POGLUT1: variants seen among roughly 807,000 people sequenced by gnomAD.
POGLUT1 encodes protein O-glucosyltransferase 1.
POGLUT1 carries 32 observed loss-of-function variants against 61.3 expected under a neutral mutation model. The observed-to-expected ratio is 0.52, with a 90% CI of 0.39 to 0.70. POGLUT1 has a LOEUF of 0.70. Ranked by LOEUF, POGLUT1 falls within the 30% of genes least tolerant of loss-of-function variation. The pLI, the probability that POGLUT1 is intolerant of heterozygous loss-of-function variation, is 0.00. For missense variants in POGLUT1, 411 were observed against 469.8 expected (o/e 0.87, Z 1.16); for synonymous variants, 158 against 158.2 (o/e 1.00, Z 0.01).
At chr3:119,491,019 A>G (rs1425789723) in intron 9 of POGLUT1, among the ~76,000 whole-genome samples, 1 of 151,888 alleles carries the variant, frequency 6.6e-6, no homozygotes, top group Non-Finnish European at 1.5e-5. Flanking sequence ...ATCTTATTAT[A>G]TTGTCAAAAG....
At chr3:119,490,393 A>G in intron 8 of POGLUT1, 158 bp from the exon 9 acceptor site, 1 of 666,808 alleles carries the variant, frequency 1.5e-6, no homozygotes. Context: ...GATAGAAACC[A>G]CTTAGGAACA....
rs2081729646 is a variant in POGLUT1 at position 119,490,447 on chromosome 3, A to G, written c.798-104A>G. The G allele has an allele frequency of 4.2e-6, 4 of 959,474 alleles. No homozygotes were observed. The African/African-American group carries it at 6.5e-5, about 16-fold the overall frequency. 59.4% of individuals were successfully genotyped at this position (959,474 alleles called of 1,614,324 possible). A position where few individuals can be genotyped will look rare whatever the true frequency, so the allele number is the denominator to read the frequency against. ...AACTCAAAGTGGAAAGAGAATGGAG[A>G]GGAATCATAAAAGGAAAGAAGGGGA... On this transcript the variant is annotated intron_variant, in intron 8 of 10. Transcript: ENST00000295588.
chr3:119,484,526 G>A (rs560517438), intron 5 of POGLUT1, among the ~76,000 whole-genome samples: 18 of 152,342 alleles, frequency 1.2e-4, no homozygotes, highest in African/African-American at 4.1e-4. Context: ...AGAGCACTTA[G>A]TCTGGCTTTA....
intron 7 of POGLUT1, chr3:119,488,007 T>G (rs1450410763): frequency 6.6e-6 from 1 of 152,172 alleles, no homozygotes; most frequent in Non-Finnish European, 1.5e-5. Flanking sequence ...ATCAAAGAAA[T>G]TAAAGCCCTA....
intron 4 of POGLUT1, chr3:119,478,450 CAGA>C (rs1379480807): frequency 6.6e-6 from 3 of 456,426 alleles, no homozygotes; most frequent in African/African-American, 4.0e-5. Context: ...GAAACTCACT[CAGA>C]AGAACAGATA....
At position 119,469,007 on chromosome 3, in the gene POGLUT1, G is replaced by A. The variant is rs754661232; in HGVS notation, c.-15G>A. ...CCAGCGCCGCAGCGGGGAATCTGCA[G>A]TAGGTCTGCCGGCGATGGAGTGGTG... is the stretch of plus-strand genomic sequence containing the variant. On this transcript the variant is annotated 5_prime_UTR_variant, in exon 1 of 11. Transcript: ENST00000295588. The A allele has an allele frequency of 3.7e-6, 6 of 1,602,868 alleles. No homozygotes were observed. Among genetic ancestry groups the A allele is most frequent in the African/African-American group, 1.3e-5 (1 of 74,648 alleles).
chr3:119,483,486 A>G (rs2081630122), intron 5 of POGLUT1, among the ~76,000 whole-genome samples: 2 of 152,230 alleles, frequency 1.3e-5, no homozygotes, highest in Admixed American at 1.3e-4. Flanking sequence ...TTTGTAAAAT[A>G]GGGGTGATAA....
chr3:119,475,713 T>G (rs1004991150), intron 3 of POGLUT1, among the ~76,000 whole-genome samples: 2 of 151,306 alleles, frequency 1.3e-5, no homozygotes, highest in Non-Finnish European at 2.9e-5. Flanking sequence ...CTCGGGAGGC[T>G]GAGGCAGGAG....
At chr3:119,469,488 G>A (rs1324598455) in intron 1 of POGLUT1, among the ~76,000 whole-genome samples, 1 of 152,244 alleles carries the variant, frequency 6.6e-6, no homozygotes, top group African/African-American at 2.4e-5. Flanking sequence ...GGGGTTTAAT[G>A]TCTGTAGCTT....
At chr3:119,472,684 C>G (rs2081489313) in intron 3 of POGLUT1, among the ~76,000 whole-genome samples, 2 of 151,730 alleles carry the variant, frequency 1.3e-5, no homozygotes, top group South Asian at 4.2e-4. Context: ...CCATTGCACT[C>G]CAGGCTGGGA....
intron 5 of POGLUT1, among the ~76,000 whole-genome samples, chr3:119,483,583 T>C (rs150478282): frequency 2.0e-5 from 3 of 152,378 alleles, no homozygotes; most frequent in Non-Finnish European, 4.4e-5. Context: ...GCTATATAGA[T>C]GTTGGCTGTT....
intron 10 of POGLUT1, 55 bp from the exon 11 acceptor site, chr3:119,492,227 G>T: frequency 7.6e-7 from 1 of 1,315,306 alleles, no homozygotes; most frequent in Non-Finnish European, 1.1e-6. Flanking sequence ...AATGCAGACT[G>T]CTATTATCAT....
rs114649520 is a variant in POGLUT1, at chr3:119,478,286, G to C, written c.456+838G>C. 3.9e-3 allele frequency: 1,749 copies of C among 452,882 alleles called. 28 individuals carry two copies. The highest frequency in any genetic ancestry group is 0.029 in the African/African-American group (1,437 of 49,800). The allele number at this position is 452,882 out of a possible 1,614,324, so 28.1% of individuals were successfully genotyped here. A position where few individuals can be genotyped will look rare whatever the true frequency, so the allele number is the denominator to read the frequency against. Reference sequence around the variant, plus strand: ...TGATTTGGTTTGTCTAAAGCAGAGGGACCTTTTATCCCCACTTTTTCTTTA... The same window carrying C: ...TGATTTGGTTTGTCTAAAGCAGAGGCACCTTTTATCCCCACTTTTTCTTTA... On this transcript the variant is annotated intron_variant, in intron 4 of 10. Coordinates refer to ENST00000295588, the MANE Select transcript of POGLUT1 (RefSeq NM_152305.3).
rs1411656272 is a variant in POGLUT1, at chr3:119,485,404, C to T, written c.638+17C>T. ...AGGATCAAGGTGAGTTATTTTCTGA[C>T]ATTTTACAAAGATATTCTTCCAAGT... On this transcript the variant is annotated intron_variant, in intron 6 of 10. Transcript: ENST00000295588. 1.3e-6 allele frequency: 2 copies of T among 1,563,262 alleles called. No individual in the cohort carries two copies. Among genetic ancestry groups the T allele is most frequent in the African/African-American group, 1.4e-5 (1 of 73,832 alleles).
chr3:119,490,856 G>C lies in POGLUT1; in HGVS notation c.965+138G>C, dbSNP rs1218631693. The C allele has an allele frequency of 1.1e-5, 8 of 710,580 alleles. No homozygotes were observed. The East Asian group carries it at 2.0e-4, about 18-fold the overall frequency. The allele number at this position is 710,580 out of a possible 1,614,324, so 44.0% of individuals were successfully genotyped here. On this transcript the variant is annotated intron_variant, in intron 9 of 10. Coordinates refer to ENST00000295588, the MANE Select transcript of POGLUT1 (RefSeq NM_152305.3). ...TCCATTGAAAGCTTTTTTTCCTCTTGGTTTGCATATATAGTATTGCATTAT... is the reference window on the plus strand; with the variant it reads ...TCCATTGAAAGCTTTTTTTCCTCTTCGTTTGCATATATAGTATTGCATTAT...
rs2081553733 is a variant in POGLUT1, at chr3:119,477,540, A to G, written c.456+92A>G. ...TGTCCGGTGACATAGTCTGATGGAT[A>G]ATGGTAAGGATGAGGACTGAGGTCC... is the stretch of plus-strand genomic sequence containing the variant. On this transcript the variant is annotated intron_variant, in intron 4 of 10. Coordinates refer to ENST00000295588, the MANE Select transcript of POGLUT1 (RefSeq NM_152305.3). 3 of 1,253,252 alleles carry G rather than the reference A, an allele frequency of 2.4e-6. No homozygotes were observed. The African/African-American group carries it at 4.4e-5, about 18-fold the overall frequency. The allele number at this position is 1,253,252 out of a possible 1,614,324, so 77.6% of individuals were successfully genotyped here. A position where few individuals can be genotyped will look rare whatever the true frequency, so the allele number is the denominator to read the frequency against.
chr3:119,490,529 T>C (rs757641132), intron 8 of POGLUT1, 22 bp from the exon 9 acceptor site: 7 of 1,608,902 alleles, frequency 4.4e-6, no homozygotes, highest in Non-Finnish European at 6.0e-6. Context: ...GTATCAAATG[T>C]ATTTTGTTCT....
intron 1 of POGLUT1, 42 bp downstream of exon 1, chr3:119,469,148 G>T: frequency 2.7e-6 from 4 of 1,488,428 alleles, no homozygotes; most frequent in African/African-American, 1.4e-5. Flanking sequence ...TGGGCTCGGG[G>T]TCTGGCCGGA....
intron 5 of POGLUT1, 108 bp from the exon 6 acceptor site, chr3:119,485,216 CAAAA>C: frequency 3.4e-6 from 2 of 586,108 alleles, no homozygotes; most frequent in Non-Finnish European, 5.7e-6. Flanking sequence ...GACTCCGTCT[CAAAA>C]AAAAAAAAGA....
Sources: allele counts gnomAD v4.1 joint callset (sites outside exome capture counted in the v4.1 genomes callset), GRCh38; gene constraint gnomAD v4.1.1; transcripts MANE v1.5; gene names NCBI Gene and HGNC (gene_info 2026-07-23, HGNC 2026-07-21).